Variants in C9orf72 observed in about 807,000 individuals in gnomAD.
The protein encoded by C9orf72 is C9orf72-SMCR8 complex subunit.
In C9orf72, 44 loss-of-function variants were observed where a neutral mutation model predicts 51.6. That is an observed-to-expected ratio of 0.85 (90% CI 0.67 to 1.10). The LOEUF (loss-of-function observed/expected upper bound fraction) is 1.10, where lower values mean the gene tolerates loss of function less well. Ranked by LOEUF, C9orf72 falls within the 50% of genes least tolerant of loss-of-function variation. The pLI is 0.00. For missense variants in C9orf72, 607 were observed against 570.6 expected, an observed-to-expected ratio of 1.06 and a Z score of -0.65; for synonymous variants, 213 against 194.2, an observed-to-expected ratio of 1.10 and a Z score of -0.81.
At position 27,564,679 on chromosome 9, in the gene C9orf72, G is replaced by GT. The variant is rs917278715; in HGVS notation, c.504+851dup. ...GTATTATGGCCATGTATTTTCACAAGTTTTTTTTTTTAATTACTTTTTTAA... is the reference window on the plus strand; with the variant it reads ...GTATTATGGCCATGTATTTTCACAAGTTTTTTTTTTTTAATTACTTTTTTAA... On this transcript the variant is annotated intron_variant, in intron 3 of 10. Transcript: ENST00000380003. 1.3e-3 allele frequency among the ~76,000 whole-genome samples: 186 copies of GT among 147,434 alleles called. No homozygotes were observed. In the Middle Eastern group the frequency reaches 0.014, roughly 11 times the overall value.
intron 1 of C9orf72, chr9:27,571,072 T>C (rs975941046): frequency 6.6e-6 from 1 of 152,164 alleles, no homozygotes; most frequent in Non-Finnish European, 1.5e-5. Context: ...AATCCATACA[T>C]GCAAATGCAG....
intron 8 of C9orf72, chr9:27,554,536 T>C: frequency 5.0e-6 from 2 of 398,334 alleles, no homozygotes; most frequent in East Asian, 7.1e-5. Flanking sequence ...GGTACTATGC[T>C]TATTACCTGG....
chr9:27,559,443 A>G (rs1170722361), intron 6 of C9orf72: 1 of 152,080 alleles, frequency 6.6e-6, no homozygotes, highest in Non-Finnish European at 1.5e-5. Flanking sequence ...ACACAGGTAT[A>G]CTAAGCTCTC....
At chr9:27,561,730 G>C in intron 4 of C9orf72, 81 bp from the exon 5 acceptor site, 1 of 881,788 alleles carries the variant, frequency 1.1e-6, no homozygotes. Context: ...CAAGTTTTCG[G>C]AAGTCTGGAT....
intron 1 of C9orf72, among the ~76,000 whole-genome samples, chr9:27,573,192 C>T (rs1001489400): frequency 6.6e-6 from 1 of 152,000 alleles, no homozygotes; most frequent in Admixed American, 6.5e-5. Context: ...AGGCCAGATC[C>T]CCATCCCTTG....
intron 8 of C9orf72, among the ~76,000 whole-genome samples, chr9:27,553,536 C>G (rs1372814722): frequency 6.6e-6 from 1 of 152,186 alleles, no homozygotes; most frequent in Non-Finnish European, 1.5e-5. Context: ...GGACCCCTTC[C>G]TTGTGCCATA....
intron 3 of C9orf72, among the ~76,000 whole-genome samples, chr9:27,564,156 CAAA>C (rs11438223): frequency 3.5e-5 from 3 of 86,706 alleles, no homozygotes; most frequent in Admixed American, 1.3e-4. Flanking sequence ...TCAACAACAC[CAAA>C]AAAAAAAAAA....
chr9:27,562,441 C>T lies in C9orf72; in HGVS notation c.540G>A (p.Val180=). The change falls in exon 4 of 11, where the codon GTG becomes GTA. Residue 180 remains valine (V), a synonymous_variant. Transcript: ENST00000380003. ...ATGAAAGCAGTTCCATTACAGGAAT[C>T]ACTTCTCCAGTAAGCATTGGAATAA... ...QSIIPMLTGE[V]IPVMELLSSM... is the part of the protein sequence containing the mutation. The T allele has an allele frequency of 6.3e-7, 1 of 1,594,550 alleles. No individual in the cohort carries two copies. The highest frequency in any genetic ancestry group is 8.5e-7 in the Non-Finnish European group (1 of 1,169,650).
intron 5 of C9orf72, 97 bp downstream of exon 5, chr9:27,561,488 T>G: frequency 6.5e-7 from 1 of 1,546,422 alleles, no homozygotes; most frequent in South Asian, 1.2e-5. Flanking sequence ...ACAATCTAAG[T>G]AGACAGTCTG....
At chr9:27,550,536 A>G in intron 9 of C9orf72, 114 bp downstream of exon 9, 1 of 606,440 alleles carries the variant, frequency 1.6e-6, no homozygotes, top group Non-Finnish European at 2.8e-6. Flanking sequence ...GCTGAGCAGA[A>G]CTCTGGGGCA....
At chr9:27,552,004 C>T (rs1037986399) in intron 8 of C9orf72, among the ~76,000 whole-genome samples, 2 of 152,120 alleles carry the variant, frequency 1.3e-5, no homozygotes, top group South Asian at 4.1e-4. Context: ...ATAGAGAATG[C>T]CAAAACTTTG....
At chr9:27,549,630 C>A (rs1321575768) in intron 9 of C9orf72, among the ~76,000 whole-genome samples, 1 of 151,990 alleles carries the variant, frequency 6.6e-6, no homozygotes, top group Non-Finnish European at 1.5e-5. Context: ...GAAATAAGTT[C>A]CATATAATCT....
rs1820886878 is a variant in C9orf72 at position 27,550,631 on chromosome 9, T to C, written c.1149+19A>G. The C allele has an allele frequency of 6.6e-7, 1 of 1,505,602 alleles. No homozygotes were observed. Among genetic ancestry groups the C allele is most frequent in the Non-Finnish European group, 9.2e-7 (1 of 1,090,766 alleles). 93.3% of individuals were successfully genotyped at this position (1,505,602 alleles called of 1,614,324 possible). On this transcript the variant is annotated intron_variant, in intron 9 of 10. Transcript: ENST00000380003. ...CATGTCATATCATTCACTCTGACAA[T>C]CTCAAGTTCAACATTTACCTGATCC...
At chr9:27,557,766 T>C (rs1819239947) in intron 7 of C9orf72, among the ~76,000 whole-genome samples, 2 of 152,030 alleles carry the variant, frequency 1.3e-5, no homozygotes, top group African/African-American at 2.4e-5. Context: ...AGCACATTAT[T>C]GAAAATGCAC....
chr9:27,571,490 T>C (rs947423876), intron 1 of C9orf72, among the ~76,000 whole-genome samples: 2 of 152,138 alleles, frequency 1.3e-5, no homozygotes, highest in African/African-American at 4.8e-5. Flanking sequence ...GGGTCTCGTT[T>C]TGTCATCCAG....
rs922488496 is a variant in C9orf72, at chr9:27,554,613, T to C, written c.1091+1948A>G. 5 of 398,226 alleles carry C rather than the reference T, an allele frequency of 1.3e-5. No homozygotes were observed. The East Asian group carries it at 1.8e-4, about 14-fold the overall frequency. 24.7% of individuals were successfully genotyped at this position (398,226 alleles called of 1,614,324 possible). On this transcript the variant is annotated intron_variant, in intron 8 of 10. Transcript: ENST00000380003. ...TTTACCTGTATAACACACCTGCACATGTACACATGAACCTAAAATAAAAGT... is the reference window on the plus strand; with the variant it reads ...TTTACCTGTATAACACACCTGCACACGTACACATGAACCTAAAATAAAAGT...
intron 2 of C9orf72, 55 bp downstream of exon 2, chr9:27,566,622 A>G: frequency 3.2e-6 from 4 of 1,246,104 alleles, no homozygotes; most frequent in Non-Finnish European, 4.5e-6. Context: ...ATGTACCAGA[A>G]AATAAGCTTT....
intron 6 of C9orf72, 79 bp from the exon 7 acceptor site, chr9:27,558,686 T>A: frequency 2.8e-6 from 2 of 715,046 alleles, no homozygotes; most frequent in African/African-American, 1.8e-5. Flanking sequence ...TCTGAAATTT[T>A]AATTGTTATT....
chr9:27,559,280 A>C (rs1049152860), intron 6 of C9orf72: 1 of 147,942 alleles, frequency 6.8e-6, no homozygotes, highest in African/African-American at 2.6e-5. Context: ...AAAAAAAAAA[A>C]AAAAACACTC....
Sources: gnomAD v4.1 joint callset for allele counts (sites outside exome capture counted in the v4.1 genomes callset) on GRCh38, gnomAD v4.1.1 for gene constraint, MANE v1.5 for transcripts, NCBI Gene and HGNC (gene_info 2026-07-23, HGNC 2026-07-21) for gene names.